Variants in SAMMSON observed in about 807,000 individuals in gnomAD.
SAMMSON encodes the protein survival associated mitochondrial melanoma specific oncogenic non-coding RNA, also known as long intergenic non-protein coding RNA 1212.
intron 4 of SAMMSON, among the ~76,000 whole-genome samples, chr3:70,191,679 T>C (rs1701132068): frequency 6.6e-6 from 1 of 152,198 alleles, no homozygotes; most frequent in African/African-American, 2.4e-5. Context: ...TTCTTTGATA[T>C]AGCCATAGTA....
chr3:70,354,529 G>C lies in SAMMSON; in HGVS notation n.842+252G>C, dbSNP rs562631048. ...CTTCATTCAGTAAAACCAGGAATGAGGAGGAGCATGACGAAAATGGTGGTG... is the reference window on the plus strand; with the variant it reads ...CTTCATTCAGTAAAACCAGGAATGACGAGGAGCATGACGAAAATGGTGGTG... On this transcript the variant is annotated intron_variant and non_coding_transcript_variant, in intron 8 of 9. Coordinates refer to ENST00000642114, the Ensembl canonical transcript of SAMMSON. Among the ~76,000 whole-genome samples, 33 of 152,300 alleles carry C rather than the reference G, an allele frequency of 2.2e-4. 1 individual carries two copies. The highest frequency in any genetic ancestry group is 2.1e-3 in the Admixed American group (32 of 15,288).
chr3:70,256,004 T>C (rs752618609), intron 6 of SAMMSON, among the ~76,000 whole-genome samples: 25 of 152,224 alleles, frequency 1.6e-4, no homozygotes, highest in Non-Finnish European at 2.6e-4. Context: ...TCCACTGGCA[T>C]TGAACCAGTT....
intron 2 of SAMMSON, among the ~76,000 whole-genome samples, chr3:70,419,974 A>AT (rs1701298596): frequency 6.6e-6 from 1 of 152,190 alleles, no homozygotes. Context: ...GTCTTGGTTA[A>AT]TTGACATATT....
intron 7 of SAMMSON, among the ~76,000 whole-genome samples, chr3:70,342,710 T>G (rs911561423): frequency 6.6e-6 from 1 of 152,176 alleles, no homozygotes; most frequent in Non-Finnish European, 1.5e-5. Context: ...ACAGAAACAT[T>G]AAACCAATGG....
intron 9 of SAMMSON, among the ~76,000 whole-genome samples, chr3:70,386,228 C>G (rs1369145714): frequency 1.3e-5 from 2 of 152,068 alleles, no homozygotes; most frequent in Non-Finnish European, 2.9e-5. Flanking sequence ...CGCTGATTAT[C>G]AAGGTCCCTG....
intron 7 of SAMMSON, among the ~76,000 whole-genome samples, chr3:70,353,964 A>C (rs536514760): frequency 6.6e-6 from 1 of 152,206 alleles, no homozygotes; most frequent in African/African-American, 2.4e-5. Context: ...GTTATCTACT[A>C]TGTGACTCCA....
In SAMMSON at chr3:70,308,339, G is replaced by A. The variant is rs959268529; in HGVS notation, n.739+17096G>A. ...CCAAAAGTGCTGAGATTATAGGCATGAGTCACTATGCTGAGCAATGCTGCA... is the reference window on the plus strand; with the variant it reads ...CCAAAAGTGCTGAGATTATAGGCATAAGTCACTATGCTGAGCAATGCTGCA... On this transcript the variant is annotated intron_variant and non_coding_transcript_variant, in intron 7 of 9. Transcript: ENST00000642114. Among the ~76,000 whole-genome samples the A allele has an allele frequency of 5.9e-5, 9 of 152,224 alleles. No homozygotes were observed. In the South Asian group the frequency reaches 6.2e-4, roughly 11 times the overall value.
intron 4 of SAMMSON, among the ~76,000 whole-genome samples, chr3:70,100,533 G>GAAAAAAA (rs143471172): frequency 0.69 from 103,592 of 149,246 alleles, 37,737 homozygotes; most frequent in Non-Finnish European, 0.78. Flanking sequence ...GGGGGGGGGG[G>GAAAAAAA]AAGCACCAAA....
chr3:70,128,330 C>T (rs775925326), intron 4 of SAMMSON, among the ~76,000 whole-genome samples: 9 of 152,132 alleles, frequency 5.9e-5, no homozygotes, highest in Non-Finnish European at 1.2e-4. Flanking sequence ...TTCACCTTGA[C>T]GGTCCCTGAA....
At chr3:70,165,345 CT>C (rs1167218360) in intron 4 of SAMMSON, among the ~76,000 whole-genome samples, 2 of 151,854 alleles carry the variant, frequency 1.3e-5, no homozygotes, top group East Asian at 3.9e-4. Flanking sequence ...GAGATGAGGC[CT>C]TTTGGAGGTG....
chr3:70,414,983 G>C (rs1177725982), intron 2 of SAMMSON, among the ~76,000 whole-genome samples: 1 of 151,718 alleles, frequency 6.6e-6, no homozygotes, highest in Non-Finnish European at 1.5e-5. Context: ...GAAGAGGAGA[G>C]GAAAAAAGAT....
At chr3:70,407,141 C>T (rs1701183778) in intron 2 of SAMMSON, among the ~76,000 whole-genome samples, 1 of 152,176 alleles carries the variant, frequency 6.6e-6, no homozygotes, top group Admixed American at 6.5e-5. Context: ...ACCCCCATGA[C>T]TCAAATTATC....
At chr3:70,008,352 G>C (rs917257585) in intron 1 of SAMMSON, among the ~76,000 whole-genome samples, 13 of 152,182 alleles carry the variant, frequency 8.5e-5, no homozygotes, top group African/African-American at 1.9e-4. Context: ...TCCTTGAAGA[G>C]GTCCTTCACA....
intron 4 of SAMMSON, among the ~76,000 whole-genome samples, chr3:70,097,214 A>G (rs1324723927): frequency 2.6e-5 from 4 of 152,222 alleles, no homozygotes; most frequent in Non-Finnish European, 5.9e-5. Context: ...TACACAAAGC[A>G]GTCAGAATTG....
chr3:70,002,048 C>T (rs192613328), intron 1 of SAMMSON, among the ~76,000 whole-genome samples: 42 of 152,264 alleles, frequency 2.8e-4, no homozygotes, highest in Admixed American at 1.3e-3. Context: ...ACTTTACTCT[C>T]GGTCATTGCC....
At chr3:70,254,011 C>T (rs1380965555) in intron 6 of SAMMSON, among the ~76,000 whole-genome samples, 1 of 152,050 alleles carries the variant, frequency 6.6e-6, no homozygotes, top group African/African-American at 2.4e-5. Context: ...TTAACAAATG[C>T]AGAGATAAGA....
At chr3:70,047,728 TGG>T (rs2067132172) in intron 3 of SAMMSON, among the ~76,000 whole-genome samples, 3 of 152,158 alleles carry the variant, frequency 2.0e-5, no homozygotes, top group Admixed American at 2.0e-4. Context: ...AGAACAGTTC[TGG>T]AGCTTGGAAG....
At position 70,018,190 on chromosome 3, in the gene SAMMSON, T is replaced by C. The variant is rs4569658; in HGVS notation, n.417+4518T>C. Among the ~76,000 whole-genome samples, 1,141 of 152,266 alleles carry C rather than the reference T, an allele frequency of 7.5e-3. 18 individuals carry two copies. The highest frequency in any genetic ancestry group is 0.026 in the African/African-American group (1,089 of 41,536). On this transcript the variant is annotated intron_variant and non_coding_transcript_variant, in intron 3 of 9. Transcript: ENST00000642114. ...GCTCCTTCTTGTACCTCTGATAGAATTCGGCTGTGAATCCATCTGGTTCTG... is the reference window on the plus strand; with the variant it reads ...GCTCCTTCTTGTACCTCTGATAGAACTCGGCTGTGAATCCATCTGGTTCTG...
At chr3:70,359,394 C>A (rs67075424) in intron 9 of SAMMSON, among the ~76,000 whole-genome samples, 11,884 of 152,074 alleles carry the variant, frequency 0.078, 718 homozygotes, top group East Asian at 0.35. Flanking sequence ...ACAATTATAC[C>A]TAATGGGTGA....
Sources: gnomAD v4.1 joint callset for allele counts (sites outside exome capture counted in the v4.1 genomes callset) on GRCh38, gnomAD v4.1.1 for gene constraint, MANE v1.5 for transcripts, NCBI Gene and HGNC (gene_info 2026-07-23, HGNC 2026-07-21) for gene names.